Variants in EDA observed in about 807,000 individuals in gnomAD.
EDA encodes ectodysplasin-A.
A neutral mutation model predicts 23.6 loss-of-function variants in EDA; 2 were observed. The ratio of observed to expected loss-of-function variants is 0.08; its 90% CI spans 0.03 to 0.27. The LOEUF (loss-of-function observed/expected upper bound fraction) is 0.27. Among genes scored for constraint, EDA ranks in the 10% least tolerant of loss-of-function variants. The pLI, the probability that EDA is intolerant of heterozygous loss-of-function variation, is 1.00. For synonymous variants in EDA, 131 were observed against 132.0 expected (o/e 0.99, Z 0.05); for missense variants, 229 against 324.2 (o/e 0.71, Z 2.26).
intron 1 of EDA, among the ~76,000 whole-genome samples, chrX:69,724,691 G>T (rs1236010304): frequency 1.8e-5 from 2 of 111,716 alleles, no homozygotes; most frequent in Non-Finnish European, 1.9e-5. Flanking sequence ...ATGGTTATCT[G>T]TGTTGTCTGG....
At chrX:69,772,160 A>G (rs1021883891) in intron 1 of EDA, among the ~76,000 whole-genome samples, 1 of 110,833 alleles carries the variant, frequency 9.0e-6, no homozygotes, top group African/African-American at 3.3e-5. Flanking sequence ...AGTTTTCCCT[A>G]TATTGCCCAG....
At chrX:69,750,635 A>G (rs1233690667) in intron 1 of EDA, among the ~76,000 whole-genome samples, 1 of 111,420 alleles carries the variant, frequency 9.0e-6, no homozygotes, top group African/African-American at 3.3e-5. Flanking sequence ...TTACAGTCCT[A>G]CCAACAGTGT....
At chrX:69,852,480 C>G (rs1302207131) in intron 1 of EDA, among the ~76,000 whole-genome samples, 1 of 111,701 alleles carries the variant, frequency 9.0e-6, no homozygotes, top group Non-Finnish European at 1.9e-5. Context: ...TCAGACATCA[C>G]AAATACAGAG....
chrX:70,010,134 T>C (rs1171171850), intron 2 of EDA, among the ~76,000 whole-genome samples: 1 of 112,028 alleles, frequency 8.9e-6, no homozygotes, highest in East Asian at 2.8e-4. Context: ...ATCTAGTTGA[T>C]TGATGGTACT....
intron 1 of EDA, among the ~76,000 whole-genome samples, chrX:69,663,210 A>G (rs752795224): frequency 8.9e-6 from 1 of 112,153 alleles, no homozygotes; most frequent in South Asian, 3.7e-4. Context: ...AGGGTATGTC[A>G]GAGGTTTCCA....
chrX:69,675,623 A>G (rs989320619), intron 1 of EDA, among the ~76,000 whole-genome samples: 1 of 110,783 alleles, frequency 9.0e-6, no homozygotes, highest in Non-Finnish European at 1.9e-5. Flanking sequence ...TTTATTTAAC[A>G]AATATTTATT....
At chrX:70,026,002 G>A (rs1464332308) in intron 3 of EDA, among the ~76,000 whole-genome samples, 1 of 112,196 alleles carries the variant, frequency 8.9e-6, no homozygotes. Context: ...TTGGCCATGA[G>A]GCATTGTTCT....
chrX:69,725,534 A>C (rs1334622271), intron 1 of EDA, among the ~76,000 whole-genome samples: 2 of 112,367 alleles, frequency 1.8e-5, no homozygotes, highest in Non-Finnish European at 3.8e-5. Flanking sequence ...TTACATACTT[A>C]AGCAATGTAT....
intron 1 of EDA, among the ~76,000 whole-genome samples, chrX:69,932,526 C>T (rs1322647106): frequency 9.0e-6 from 1 of 111,304 alleles, no homozygotes; most frequent in African/African-American, 3.3e-5. Flanking sequence ...GGCTTCTTGC[C>T]AGAACGCTTT....
intron 2 of EDA, chrX:69,957,625 A>T (rs2019032521): frequency 8.5e-6 from 1 of 117,371 alleles, no homozygotes; most frequent in Admixed American, 8.7e-5. Flanking sequence ...TAACTATACA[A>T]GGATCCTCCC....
intron 1 of EDA, among the ~76,000 whole-genome samples, chrX:69,790,091 C>G (rs1340325158): frequency 2.7e-5 from 3 of 111,672 alleles, no homozygotes; most frequent in Non-Finnish European, 5.6e-5. Flanking sequence ...CAATTCTTAA[C>G]AAATCCTAAT....
chrX:69,720,878 C>G (rs762117993), intron 1 of EDA, among the ~76,000 whole-genome samples: 1 of 111,419 alleles, frequency 9.0e-6, no homozygotes, highest in Non-Finnish European at 1.9e-5. Flanking sequence ...ATTGTCTTTT[C>G]TTCTTCAAGT....
chrX:70,029,225 G>C (rs1284065205), intron 4 of EDA, among the ~76,000 whole-genome samples: 1 of 112,718 alleles, frequency 8.9e-6, no homozygotes, highest in Non-Finnish European at 1.9e-5. Context: ...CTCTCTCATT[G>C]TTCTCCATGG....
chrX:69,665,460 CTT>C, intron 1 of EDA, among the ~76,000 whole-genome samples: 1 of 111,509 alleles, frequency 9.0e-6, no homozygotes, highest in East Asian at 2.8e-4. Context: ...ACATTTAGGT[CTT>C]TTATCCATTT....
At chrX:69,685,332 G>A (rs1439901466) in intron 1 of EDA, among the ~76,000 whole-genome samples, 2 of 112,128 alleles carry the variant, frequency 1.8e-5, no homozygotes, top group Non-Finnish European at 3.8e-5. Context: ...AATATCTTTT[G>A]TGTTGCAGTG....
chrX:69,932,379 T>G (rs2018610570), intron 1 of EDA, among the ~76,000 whole-genome samples: 1 of 112,039 alleles, frequency 8.9e-6, no homozygotes, highest in African/African-American at 3.2e-5. Context: ...TCTCTGTGGC[T>G]GAAAATGAAG....
At chrX:69,788,895 C>T (rs1198008907) in intron 1 of EDA, among the ~76,000 whole-genome samples, 1 of 112,817 alleles carries the variant, frequency 8.9e-6, no homozygotes, top group Non-Finnish European at 1.9e-5. Context: ...CCCAGCCTCG[C>T]TGCCGCCTTG....
At chrX:69,674,138 T>C (rs1276879854) in intron 1 of EDA, among the ~76,000 whole-genome samples, 1 of 109,422 alleles carries the variant, frequency 9.1e-6, no homozygotes, top group Non-Finnish European at 1.9e-5. Context: ...TATCTATCTA[T>C]CTATCTATCA....
intron 1 of EDA, among the ~76,000 whole-genome samples, chrX:69,656,550 T>C (rs1448592192): frequency 1.8e-5 from 2 of 111,764 alleles, no homozygotes; most frequent in South Asian, 3.8e-4. Context: ...AGTTTTCTTA[T>C]ATAGGTATAT....
Sources: gnomAD v4.1 joint callset for allele counts (sites outside exome capture counted in the v4.1 genomes callset) on GRCh38, gnomAD v4.1.1 for gene constraint, MANE v1.5 for transcripts, NCBI Gene and HGNC (gene_info 2026-07-23, HGNC 2026-07-21) for gene names.